The following THADA variants were observed in gnomAD, a reference collection of about 807,000 sequenced individuals.
The protein encoded by THADA is THADA armadillo repeat containing.
Under a neutral mutation model 219.8 loss-of-function variants are expected in THADA, and 213 were observed. The observed-to-expected ratio is 0.97, with a 90% CI of 0.87 to 1.09. The LOEUF is 1.09. THADA is among the 50% of genes least tolerant of loss of function. The pLI, the probability that THADA is intolerant of heterozygous loss-of-function variation, is 0.00. For synonymous variants in THADA, 1,018 were observed against 828.9 expected (o/e 1.23, Z -3.92); for missense variants, 2,956 against 2,311.3 (o/e 1.28, Z -5.72).
chr2:43,472,186 T>C (rs1684983364), intron 26 of THADA, among the ~76,000 whole-genome samples: 1 of 152,220 alleles, frequency 6.6e-6, no homozygotes, highest in East Asian at 1.9e-4. Flanking sequence ...TGGCAGTGCA[T>C]GACAGCACAA....
chr2:43,595,290 T>C (rs1396279674), intron 1 of THADA, among the ~76,000 whole-genome samples: 1 of 152,128 alleles, frequency 6.6e-6, no homozygotes, highest in Non-Finnish European at 1.5e-5. Context: ...AGCAACCACT[T>C]AACCAAAAAT....
intron 22 of THADA, among the ~76,000 whole-genome samples, chr2:43,509,260 C>A (rs1690083619): frequency 6.6e-6 from 1 of 152,168 alleles, no homozygotes; most frequent in South Asian, 2.1e-4. Flanking sequence ...AAATTTTCAA[C>A]CAGATCCTCT....
intron 31 of THADA, among the ~76,000 whole-genome samples, chr2:43,317,017 A>C (rs1277427971): frequency 6.6e-6 from 1 of 152,232 alleles, no homozygotes; most frequent in African/African-American, 2.4e-5. Context: ...TCACATGTAT[A>C]AGCTGACAAC....
intron 34 of THADA, among the ~76,000 whole-genome samples, chr2:43,290,948 G>A (rs990290749): frequency 2.6e-5 from 4 of 152,046 alleles, no homozygotes; most frequent in Admixed American, 2.0e-4. Context: ...GAGCCAGCTG[G>A]GCCATGTTCT....
rs1013476660 is a variant in THADA at position 43,291,754 on chromosome 2, C to A, written c.4952G>T (p.Ser1651Ile). Residue 1651 changes from serine to isoleucine, a missense_variant, in exon 34 of 38, where the codon AGT becomes ATT. Coordinates refer to ENST00000405975, the MANE Select transcript of THADA (RefSeq NM_022065.5). ...IASNERSEIQ[S>I]VALRLASKVI... is the part of the protein sequence containing the mutation. Reference sequence around the variant, plus strand: ...TTTGGAAGCAAGTCTCAGAGCTACACTCTGAATTTCAGATCTAGAAAAATA... The same window carrying A: ...TTTGGAAGCAAGTCTCAGAGCTACAATCTGAATTTCAGATCTAGAAAAATA... The A allele has an allele frequency of 1.9e-6, 3 of 1,550,378 alleles. No homozygotes were observed. In the Admixed American group the frequency reaches 5.9e-5, roughly 31 times the overall value.
At chr2:43,291,044 ACTC>A (rs1209035260) in intron 34 of THADA, among the ~76,000 whole-genome samples, 1 of 151,676 alleles carries the variant, frequency 6.6e-6, no homozygotes, top group Non-Finnish European at 1.5e-5. Flanking sequence ...TGACATGCTT[ACTC>A]CTCTTTAAAT....
intron 26 of THADA, among the ~76,000 whole-genome samples, chr2:43,450,259 C>T (rs907681704): frequency 3.3e-5 from 5 of 151,994 alleles, no homozygotes; most frequent in Non-Finnish European, 7.4e-5. Context: ...ACTTTGTTTT[C>T]TACATAAATT....
chr2:43,358,087 T>A (rs1192597599), intron 29 of THADA, among the ~76,000 whole-genome samples: 1 of 152,056 alleles, frequency 6.6e-6, no homozygotes, highest in East Asian at 1.9e-4. Flanking sequence ...GCTGTCACCA[T>A]TTTCTACACA....
intron 4 of THADA, among the ~76,000 whole-genome samples, chr2:43,590,057 G>A (rs1574397167): frequency 6.6e-6 from 1 of 152,088 alleles, no homozygotes; most frequent in Admixed American, 6.6e-5. Context: ...CAAAGAGAAG[G>A]TCTAGAAAGA....
chr2:43,572,274 C>T (rs1448524789), intron 12 of THADA, among the ~76,000 whole-genome samples: 2 of 152,188 alleles, frequency 1.3e-5, no homozygotes, highest in African/African-American at 4.8e-5. Flanking sequence ...AACAGAGTAG[C>T]TTTGGTTTAG....
intron 7 of THADA, among the ~76,000 whole-genome samples, chr2:43,582,251 C>T (rs1332096971): frequency 6.6e-6 from 1 of 152,160 alleles, no homozygotes. Flanking sequence ...AATCCCAGCA[C>T]TTTGGTAGGC....
chr2:43,491,840 G>T (rs1374049542), intron 25 of THADA, among the ~76,000 whole-genome samples: 2 of 152,090 alleles, frequency 1.3e-5, no homozygotes, highest in East Asian at 3.9e-4. Flanking sequence ...CTTCTCACGA[G>T]GGAAGCACTT....
chr2:43,593,953 T>C (rs1184095196), intron 1 of THADA, among the ~76,000 whole-genome samples: 3 of 152,094 alleles, frequency 2.0e-5, no homozygotes, highest in Non-Finnish European at 2.9e-5. Flanking sequence ...TGTCTTGCTA[T>C]TAGATTAGTA....
chr2:43,339,607 T>C (rs1435539544), intron 30 of THADA, among the ~76,000 whole-genome samples: 1 of 152,154 alleles, frequency 6.6e-6, no homozygotes, highest in Non-Finnish European at 1.5e-5. Context: ...TTCACTAAGT[T>C]TACCAAAAGA....
chr2:43,292,264 C>A, intron 32 of THADA, 42 bp from the exon 33 acceptor site: 1 of 1,282,116 alleles, frequency 7.8e-7, no homozygotes, highest in South Asian at 1.4e-5. Context: ...GAAATAAATA[C>A]TCAGGGAGAT....
Position 43,560,289 on chromosome 2 carries a change from T to C in THADA, c.2408A>G (p.Lys803Arg), listed in dbSNP as rs1453465936. 3.1e-6 allele frequency: 5 copies of C among 1,612,462 alleles called. No individual in the cohort carries two copies. The highest frequency in any genetic ancestry group is 1.3e-5 in the African/African-American group (1 of 74,908). ...CATCAGAAGATCAAATGCTAAAATT[T>C]TCACGTCTTCAAAAGTGCTGGTAAA... ...ECFTSTFEDV[K>R]ILAFDLLMKL... Residue 803 changes from lysine to arginine, a missense_variant, in exon 16 of 38, where the codon AAA (lysine) becomes AGA (arginine). Coordinates refer to ENST00000405975, the MANE Select transcript of THADA (RefSeq NM_022065.5).
chr2:43,270,957 G>A (rs1016872487), intron 36 of THADA, among the ~76,000 whole-genome samples: 2 of 152,204 alleles, frequency 1.3e-5, no homozygotes, highest in African/African-American at 4.8e-5. Context: ...GCATCAAGAG[G>A]GAGGTGATGA....
chr2:43,353,381 G>C (rs1668506112), intron 29 of THADA, among the ~76,000 whole-genome samples: 1 of 152,176 alleles, frequency 6.6e-6, no homozygotes, highest in African/African-American at 2.4e-5. Flanking sequence ...GAGGAGTGAG[G>C]TGGCATCACA....
chr2:43,528,280 G>A (rs1693432265), intron 21 of THADA, among the ~76,000 whole-genome samples: 1 of 151,806 alleles, frequency 6.6e-6, no homozygotes, highest in African/African-American at 2.4e-5. Context: ...ACAGGCACCT[G>A]CCACCACGCC....
Sources: gnomAD v4.1 joint callset for allele counts (sites outside exome capture counted in the v4.1 genomes callset) on GRCh38, gnomAD v4.1.1 for gene constraint, MANE v1.5 for transcripts, NCBI Gene and HGNC (gene_info 2026-07-23, HGNC 2026-07-21) for gene names.